Variants in CHST9 observed in about 807,000 individuals in gnomAD.
CHST9 encodes GalNAc-4-sulfotransferase 2.
In CHST9, 41 loss-of-function variants were observed where a neutral mutation model predicts 44.4. The observed-to-expected ratio is 0.92, with a 90% confidence interval of 0.72 to 1.20. CHST9 has a LOEUF of 1.20. CHST9 is among the 50% of genes most tolerant of loss of function. CHST9 has a pLI of 0.00. For missense variants in CHST9, 504 were observed against 516.5 expected (o/e 0.98, Z 0.23); for synonymous variants, 171 against 178.4 (o/e 0.96, Z 0.33).
intron 3 of CHST9, among the ~76,000 whole-genome samples, chr18:27,042,617 C>T (rs974839421): frequency 1.3e-5 from 2 of 151,996 alleles, no homozygotes; most frequent in African/African-American, 4.8e-5. Context: ...TTCCCAATCT[C>T]AGCTTTCCAA....
At position 26,917,075 on chromosome 18, in the gene CHST9, C is replaced by G. The variant is rs149359030; in HGVS notation, c.516G>C (p.Glu172Asp). ...AAGACCTTCGTTTCTCTTGGGTCTC[C>G]TCAGTTTTCTTCCATTTATTATCTT... ...LVKDNKWKKTEETQEKRRSFL... is the reference protein window; with the variant it reads ...LVKDNKWKKTDETQEKRRSFL... The change falls in exon 6 of 6, where the codon GAG becomes GAC. Residue 172 changes from glutamate (E) to aspartate (D), a missense_variant. Physicochemically the swap from Glu to Asp is conservative, Grantham distance 45. Coordinates refer to ENST00000618847, the MANE Select transcript of CHST9 (RefSeq NM_031422.6). 1.2e-6 allele frequency: 2 copies of G among 1,613,938 alleles called. No individual in the cohort carries two copies.
intron 4 of CHST9, among the ~76,000 whole-genome samples, chr18:27,015,573 G>A (rs1000595000): frequency 3.3e-5 from 5 of 152,082 alleles, no homozygotes; most frequent in Non-Finnish European, 5.9e-5. Flanking sequence ...GGAGGGATAC[G>A]TGCTAGCATA....
chr18:27,102,086 TG>T (rs2058178778), intron 2 of CHST9, among the ~76,000 whole-genome samples: 1 of 152,202 alleles, frequency 6.6e-6, no homozygotes, highest in Non-Finnish European at 1.5e-5. Context: ...GTTTTGTGTT[TG>T]GGTGTACACA....
intron 1 of CHST9, among the ~76,000 whole-genome samples, chr18:27,181,341 C>T (rs1230087675): frequency 6.6e-6 from 1 of 152,164 alleles, no homozygotes; most frequent in Non-Finnish European, 1.5e-5. Context: ...TTTTGAAAAA[C>T]ACAATAGAAA....
chr18:27,010,806 G>A (rs542952234), intron 4 of CHST9, among the ~76,000 whole-genome samples: 1 of 152,300 alleles, frequency 6.6e-6, no homozygotes, highest in South Asian at 2.1e-4. Flanking sequence ...GATCGGGACT[G>A]TTTCTAAGGG....
chr18:26,970,858 TACCCATGGTG>T (rs1245060257), intron 4 of CHST9, among the ~76,000 whole-genome samples: 2 of 152,218 alleles, frequency 1.3e-5, no homozygotes, highest in African/African-American at 4.8e-5. Flanking sequence ...ATCTGGCCTC[TACCCATGGTG>T]ATATATGTTA....
intron 2 of CHST9, among the ~76,000 whole-genome samples, chr18:27,096,933 A>T (rs2058122664): frequency 1.3e-5 from 2 of 152,144 alleles, no homozygotes; most frequent in African/African-American, 4.8e-5. Flanking sequence ...CTATGAAGCC[A>T]GCATCCCTCT....
At chr18:27,174,082 T>C (rs1453049630) in intron 1 of CHST9, among the ~76,000 whole-genome samples, 5 of 151,940 alleles carry the variant, frequency 3.3e-5, no homozygotes, top group Non-Finnish European at 7.4e-5. Flanking sequence ...ACTCAAGAAA[T>C]TGAACGGGGA....
intron 1 of CHST9, among the ~76,000 whole-genome samples, chr18:27,144,687 T>C (rs1169499756): frequency 6.6e-6 from 1 of 151,912 alleles, no homozygotes. Context: ...AGACTCTGTC[T>C]CAAATAAATA....
intron 4 of CHST9, among the ~76,000 whole-genome samples, chr18:26,980,110 C>A (rs1445888779): frequency 6.6e-6 from 1 of 152,100 alleles, no homozygotes; most frequent in African/African-American, 2.4e-5. Flanking sequence ...TCCAGGAAGC[C>A]ACCTCTGTTT....
In CHST9 at chr18:27,124,855, A is replaced by G. The variant is rs559550159; in HGVS notation, c.121+17834T>C. ...TGTCAATCACAAAATTCTGAGTCCAAAATTCTGAAGCAATTTCATTGTTTA... is the reference window on the plus strand; with the variant it reads ...TGTCAATCACAAAATTCTGAGTCCAGAATTCTGAAGCAATTTCATTGTTTA... On this transcript the variant is annotated intron_variant, in intron 2 of 5. Coordinates refer to ENST00000618847, the MANE Select transcript of CHST9 (RefSeq NM_031422.6). Among the ~76,000 whole-genome samples, 4 of 152,312 alleles carry G rather than the reference A, an allele frequency of 2.6e-5. No homozygotes were observed. The East Asian group carries it at 7.7e-4, about 29-fold the overall frequency.
chr18:26,997,814 G>A (rs900153508), intron 4 of CHST9, among the ~76,000 whole-genome samples: 11 of 152,284 alleles, frequency 7.2e-5, no homozygotes, highest in African/African-American at 2.6e-4. Context: ...GCTGAACCAT[G>A]ATTTTTCGGG....
At chr18:26,952,481 C>A in intron 4 of CHST9, 2 of 448,928 alleles carry the variant, frequency 4.5e-6, no homozygotes, top group East Asian at 5.6e-5. Context: ...GGGGCTCTGA[C>A]AATTGGTATA....
chr18:26,962,688 C>T (rs2056415658), intron 4 of CHST9, among the ~76,000 whole-genome samples: 2 of 152,154 alleles, frequency 1.3e-5, no homozygotes, highest in African/African-American at 4.8e-5. Context: ...GTGCCTTTCA[C>T]CTGGGGACAG....
At position 26,912,671 on chromosome 18, in the gene CHST9, A is replaced by G. The variant is rs2055457302; in HGVS notation, c.*3588T>C. ...GATAGATGGAAAGGGAGAGGGCTAC[A>G]TAATATTACCTATGTTAGACTGGCT... is the stretch of plus-strand genomic sequence containing the variant. On this transcript the variant is annotated 3_prime_UTR_variant, in exon 6 of 6. Coordinates refer to ENST00000618847, the MANE Select transcript of CHST9 (RefSeq NM_031422.6). 6.6e-6 allele frequency: 1 copy of G among 152,190 alleles called. No individual in the cohort carries two copies. The highest frequency in any genetic ancestry group is 1.5e-5 in the Non-Finnish European group (1 of 68,042). The allele number at this position is 152,190 out of a possible 1,614,324, so 9.4% of individuals were successfully genotyped here.
At chr18:27,125,273 AT>A (rs1337322806) in intron 2 of CHST9, among the ~76,000 whole-genome samples, 1 of 152,246 alleles carries the variant, frequency 6.6e-6, no homozygotes, top group African/African-American at 2.4e-5. Context: ...TATAAAAGTA[AT>A]TTGAAAGCTG....
intron 1 of CHST9, among the ~76,000 whole-genome samples, chr18:27,162,308 T>C (rs1288757684): frequency 6.6e-6 from 1 of 151,960 alleles, no homozygotes; most frequent in Non-Finnish European, 1.5e-5. Flanking sequence ...AGCCTGGTGG[T>C]GAGGCAAGCT....
chr18:27,103,618 G>C (rs115802612), intron 2 of CHST9, among the ~76,000 whole-genome samples: 3 of 152,172 alleles, frequency 2.0e-5, no homozygotes, highest in Non-Finnish European at 4.4e-5. Flanking sequence ...ACCAAAACCA[G>C]GTTATCCTCT....
intron 4 of CHST9, among the ~76,000 whole-genome samples, chr18:26,967,355 A>C (rs2056479231): frequency 1.3e-5 from 2 of 152,142 alleles, no homozygotes; most frequent in Non-Finnish European, 2.9e-5. Context: ...TGCTTTTTAC[A>C]CGTGTAGTAG....
Sources: gnomAD v4.1 joint callset for allele counts (sites outside exome capture counted in the v4.1 genomes callset) on GRCh38, gnomAD v4.1.1 for gene constraint, MANE v1.5 for transcripts, NCBI Gene and HGNC (gene_info 2026-07-23, HGNC 2026-07-21) for gene names.